Variants in PLCH2 observed in about 807,000 individuals in gnomAD.
PLCH2 encodes 1-phosphatidylinositol 4,5-bisphosphate phosphodiesterase eta-2.
PLCH2 carries 98 observed loss-of-function variants against 134.7 expected under a neutral mutation model. The observed-to-expected ratio is 0.73, with a 90% CI of 0.62 to 0.86. The LOEUF (loss-of-function observed/expected upper bound fraction) is 0.86, where lower values mean the gene tolerates loss of function less well. Among genes scored for constraint, PLCH2 ranks in the 40% least tolerant of loss-of-function variants. PLCH2 has a pLI of 0.00. For missense variants in PLCH2, 1,994 were observed against 1,986.6 expected (o/e 1.00, Z -0.07); for synonymous variants, 974 against 827.5 (o/e 1.18, Z -3.04).
intron 2 of PLCH2, among the ~76,000 whole-genome samples, chr1:2,441,210 GC>G (rs1393063607): frequency 6.6e-6 from 1 of 152,184 alleles, no homozygotes; most frequent in Non-Finnish European, 1.5e-5. Context: ...AGTGGAGAGA[GC>G]CCCCCTGGCA....
upstream of PLCH2, among the ~76,000 whole-genome samples, chr1:2,463,215 GGGA>G (rs1283663079): frequency 1.3e-5 from 2 of 152,214 alleles, no homozygotes; most frequent in African/African-American, 4.8e-5. Flanking sequence ...GCCCCGGAGG[GGGA>G]GCTGCAGGGT....
chr1:2,446,168 A>C (rs1176246777), intron 2 of PLCH2, among the ~76,000 whole-genome samples: 1 of 152,172 alleles, frequency 6.6e-6, no homozygotes, highest in African/African-American at 2.4e-5. Flanking sequence ...AGGGGTGGCC[A>C]TTGGGGGCTT....
In PLCH2 at chr1:2,479,975, C is replaced by T; in HGVS notation, c.513C>T (p.Asp171=). The T allele has an allele frequency of 1.2e-6, 2 of 1,603,638 alleles. No individual in the cohort carries two copies. The highest frequency in any genetic ancestry group is 1.7e-6 in the Non-Finnish European group (2 of 1,173,376). ...TGGCTCGCCGCCAGCGCACCAGGGA[C>T]CAATATCCTTGGGCACCTATCGGGC... ...DSLARRQRTR[D]QWLKQTFDEA... The change falls in exon 3 of 22, where the codon GAC becomes GAT. Residue 171 remains aspartate, a splice_region_variant and synonymous_variant. Transcript: ENST00000378486.
chr1:2,480,014 G>C, intron 3 of PLCH2, 37 bp downstream of exon 3: 1 of 1,591,000 alleles, frequency 6.3e-7, no homozygotes, highest in African/African-American at 1.3e-5. Flanking sequence ...GCAGACCCAG[G>C]GACCGGCCCC....
rs1470998250 is a variant in PLCH2, at chr1:2,439,002, GT to G, written c.115+8374del. On this transcript the variant is annotated intron_variant, in intron 2 of 3. Transcript: ENST00000609981. The surrounding 1 kb of genome is among the most constrained non-coding windows in gnomAD (Gnocchi z 4.7). ...GCTCTGGCCACATGGGTGGCTCCAGGTAGAAGTGGCTTTGACTACGCCCTCC... is the reference window on the plus strand; with the variant it reads ...GCTCTGGCCACATGGGTGGCTCCAGGAGAAGTGGCTTTGACTACGCCCTCC... Among the ~76,000 whole-genome samples, 4 of 152,226 alleles carry G rather than the reference GT, an allele frequency of 2.6e-5. No homozygotes were observed. Among genetic ancestry groups the G allele is most frequent in the Non-Finnish European group, 5.9e-5 (4 of 68,040 alleles).
chr1:2,504,138 G>A lies in PLCH2; in HGVS notation c.3176G>A (p.Cys1059Tyr), dbSNP rs1457338772. ...EEPRDSRPRP[C>Y]NGEGAGGAYE... ...CCCCGAGACAGCAGGCCTCGGCCGT[G>A]CAACGGCGAGGGCGCCGGCGGGGCA... The change falls in exon 22 of 22, where the codon TGC becomes TAC. Residue 1059 changes from cysteine (C) to tyrosine (Y), a missense_variant. Coordinates refer to ENST00000378486, the MANE Select transcript of PLCH2 (RefSeq NM_014638.4). The A allele has an allele frequency of 5.9e-6, 9 of 1,520,964 alleles. No individual in the cohort carries two copies. Among genetic ancestry groups the A allele is most frequent in the Admixed American group, 2.3e-5 (1 of 43,182 alleles). 94.2% of individuals were successfully genotyped at this position (1,520,964 alleles called of 1,614,324 possible).
At chr1:2,437,219 C>A (rs368039619) in intron 2 of PLCH2, among the ~76,000 whole-genome samples, 2 of 152,168 alleles carry the variant, frequency 1.3e-5, no homozygotes, top group East Asian at 3.9e-4. Flanking sequence ...GGTTATGGCC[C>A]GGGGTCACTC....
chr1:2,441,026 G>A lies in PLCH2; in HGVS notation c.115+10397G>A, dbSNP rs533888634. Among the ~76,000 whole-genome samples, 6 of 152,336 alleles carry A rather than the reference G, an allele frequency of 3.9e-5. No individual in the cohort carries two copies. In the South Asian group the frequency reaches 1.2e-3, roughly 32 times the overall value. On this transcript the variant is annotated intron_variant, in intron 2 of 3. Transcript: ENST00000609981. ...CCCGACCATGCTGTCCGGGAAAGGGGGTGCAGATGGGCATGGTTCAGAGGG... is the reference window on the plus strand; with the variant it reads ...CCCGACCATGCTGTCCGGGAAAGGGAGTGCAGATGGGCATGGTTCAGAGGG...
In PLCH2 at chr1:2,494,769, CCTT is replaced by C. The variant is rs1177087390; in HGVS notation, c.1660-84_1660-82del. 3.6e-6 allele frequency: 3 copies of C among 843,398 alleles called. No individual in the cohort carries two copies. In the African/African-American group the frequency reaches 5.0e-5, roughly 14 times the overall value. The allele number at this position is 843,398 out of a possible 1,614,324, so 52.2% of individuals were successfully genotyped here. A position where few individuals can be genotyped will look rare whatever the true frequency, so the allele number is the denominator to read the frequency against. On this transcript the variant is annotated intron_variant, in intron 11 of 21. Transcript: ENST00000378486. ...CTCAAGCCCACCTCTTCCAGGAAGGCCTTCTGGGACCACCAGGGGCTGTCCCGG... is the reference window on the plus strand; with the variant it reads ...CTCAAGCCCACCTCTTCCAGGAAGGCCTGGGACCACCAGGGGCTGTCCCGG...
chr1:2,474,645 T>C (rs549069109), upstream of PLCH2, among the ~76,000 whole-genome samples: 2 of 152,044 alleles, frequency 1.3e-5, no homozygotes, highest in Admixed American at 1.3e-4. Context: ...AGGCCCAGCC[T>C]TGGGGAGCTT....
chr1:2,434,201 A>G (rs1277485470), intron 2 of PLCH2, among the ~76,000 whole-genome samples: 1 of 152,218 alleles, frequency 6.6e-6, no homozygotes, highest in East Asian at 1.9e-4. Flanking sequence ...TGGGTGTGCC[A>G]GGGGCCGGCG....
rs549362574 is a variant in PLCH2, at chr1:2,444,223, C to T, written c.115+13594C>T. On this transcript the variant is annotated intron_variant, in intron 2 of 3. Transcript: ENST00000609981. This position sits in a 1 kb window ranked among gnomAD's most constrained non-coding sequence, Gnocchi z 4.6. ...GATCTGGGGGCCGCCCCTCGGCAAA[C>T]TTTCCTTCCCCGGGCTTCTGCGGAG... is the stretch of plus-strand genomic sequence containing the variant. Among the ~76,000 whole-genome samples, 1 of 152,320 alleles carries T rather than the reference C, an allele frequency of 6.6e-6. No homozygotes were observed. The highest frequency in any genetic ancestry group is 1.5e-5 in the Non-Finnish European group (1 of 68,020).
chr1:2,450,265 C>G (rs1269990432), intron 2 of PLCH2, among the ~76,000 whole-genome samples: 1 of 152,116 alleles, frequency 6.6e-6, no homozygotes, highest in African/African-American at 2.4e-5. Flanking sequence ...AGAGCTGGTT[C>G]AAACACCCAG....
At chr1:2,472,861 C>T (rs559863949), upstream of PLCH2, among the ~76,000 whole-genome samples, 4 of 152,236 alleles carry the variant, frequency 2.6e-5, no homozygotes, top group South Asian at 6.2e-4. Context: ...AGTCCCCATG[C>T]CCCTGTCGTG....
chr1:2,481,052 GCA>G (rs1365988853), intron 4 of PLCH2, among the ~76,000 whole-genome samples: 5 of 152,214 alleles, frequency 3.3e-5, no homozygotes, highest in Middle Eastern at 3.4e-3. Context: ...ATAAATACAC[GCA>G]CACACGTGCA....
At chr1:2,499,752 G>A (rs1201274038) in intron 20 of PLCH2, 32 bp downstream of exon 20, 2 of 1,501,822 alleles carry the variant, frequency 1.3e-6, no homozygotes, top group East Asian at 2.4e-5. Flanking sequence ...CAGCCATCAT[G>A]GGGAGGGGCC....
chr1:2,465,766 G>A (rs1041604585), upstream of PLCH2, among the ~76,000 whole-genome samples: 12 of 152,132 alleles, frequency 7.9e-5, no homozygotes, highest in African/African-American at 1.9e-4. Context: ...GCTGAGTGGC[G>A]GGCGGGGCTG....
chr1:2,454,689 G>T (rs1015893249), intron 2 of PLCH2, among the ~76,000 whole-genome samples: 1 of 152,280 alleles, frequency 6.6e-6, no homozygotes, highest in East Asian at 1.9e-4. Context: ...TTCCCCAGGG[G>T]CCCCCAGGGT....
In PLCH2 at chr1:2,499,687, C is replaced by T. The variant is rs747410176; in HGVS notation, c.2628C>T (p.Phe876=). 29 of 1,598,312 alleles carry T rather than the reference C, an allele frequency of 1.8e-5. No homozygotes were observed. The highest frequency in any genetic ancestry group is 1.6e-4 in the Middle Eastern group (1 of 6,064). Residue 876 remains phenylalanine, a synonymous_variant, in exon 20 of 22, where the codon TTC becomes TTT. Transcript: ENST00000378486. The part of the protein sequence containing the change: ...YLEGMEEASI[F]VHVAVSDISG... ...AAGGGATGGAAGAGGCCTCCATCTTCGTGCATGTGGCTGTCAGTGACATCA... is the reference window on the plus strand; with the variant it reads ...AAGGGATGGAAGAGGCCTCCATCTTTGTGCATGTGGCTGTCAGTGACATCA...
Sources: allele counts gnomAD v4.1 joint callset (sites outside exome capture counted in the v4.1 genomes callset), GRCh38; gene constraint gnomAD v4.1.1; non-coding constraint Gnocchi (gnomAD v3.1); transcripts MANE v1.5; gene names NCBI Gene and HGNC (gene_info 2026-07-23, HGNC 2026-07-21).